The following SCTR variants were observed in gnomAD, a reference collection of about 807,000 sequenced individuals.
SCTR encodes secretin receptor, also known as pancreatic secretin receptor.
In SCTR, 56 loss-of-function variants were observed where a neutral mutation model predicts 60.8. The observed-to-expected ratio is 0.92, with a 90% CI of 0.74 to 1.15. The LOEUF is 1.15. SCTR is among the 50% of genes most tolerant of loss of function. The pLI, the probability that SCTR is intolerant of heterozygous loss-of-function variation, is 0.00. For missense variants in SCTR, 562 were observed against 550.4 expected (o/e 1.02, Z -0.21); for synonymous variants, 202 against 217.0 (o/e 0.93, Z 0.61).
intron 2 of SCTR, among the ~76,000 whole-genome samples, chr2:119,494,120 G>T (rs1678253052): frequency 6.6e-6 from 1 of 152,162 alleles, no homozygotes; most frequent in South Asian, 2.1e-4. Flanking sequence ...GAGGAGAACT[G>T]TCTTGCAGAG....
In SCTR at chr2:119,461,888, GAGA is replaced by G. The variant is rs1416056477; in HGVS notation, c.746_748del (p.Phe249del). 3.1e-5 allele frequency: 50 copies of G among 1,613,796 alleles called. 1 individual carries two copies. The highest frequency in any genetic ancestry group is 3.5e-5 in the Non-Finnish European group (41 of 1,179,950). ...AAATCCCTGGAGGTACTTTCTTTCA[GAGA>G]AGAAGGAGATGGCGAGGAGTGTGTG... On this transcript the variant is annotated inframe_deletion, in exon 7 of 13. Transcript: ENST00000019103.
intron 1 of SCTR, among the ~76,000 whole-genome samples, chr2:119,495,112 TAC>T (rs10558765): frequency 0.85 from 127,570 of 150,750 alleles, 54,008 homozygotes; most frequent in East Asian, 0.88. Context: ...GATATAGATT[TAC>T]ACACACACAC....
At chr2:119,461,762 G>A in intron 7 of SCTR, 85 bp downstream of exon 7, 1 of 1,048,744 alleles carries the variant, frequency 9.5e-7, no homozygotes, top group Admixed American at 2.5e-5. Context: ...GTGTGGAGCT[G>A]GAACTAAAAG....
rs1298124690 is a variant in SCTR, at chr2:119,479,103, C to T, written c.194-185G>A. ...TGTCTAATGCACCCTTGGACTCTGC[C>T]ATGTACACGGTAGTGCTCAGTGTTG... On this transcript the variant is annotated intron_variant, in intron 2 of 12. Coordinates refer to ENST00000019103, the MANE Select transcript of SCTR (RefSeq NM_002980.3). 6 of 1,426,710 alleles carry T rather than the reference C, an allele frequency of 4.2e-6. No homozygotes were observed. In the African/African-American group the frequency reaches 7.2e-5, roughly 17 times the overall value. The allele number at this position is 1,426,710 out of a possible 1,614,324, so 88.4% of individuals were successfully genotyped here. A position where few individuals can be genotyped will look rare whatever the true frequency, so the allele number is the denominator to read the frequency against.
chr2:119,461,715 A>T, intron 7 of SCTR, 132 bp downstream of exon 7: 3 of 446,112 alleles, frequency 6.7e-6, no homozygotes, highest in Admixed American at 4.9e-5. Flanking sequence ...CCAACTCAAA[A>T]AAAAAAAAAA....
chr2:119,452,718 T>C (rs1683220759), intron 8 of SCTR, among the ~76,000 whole-genome samples: 1 of 152,186 alleles, frequency 6.6e-6, no homozygotes, highest in African/African-American at 2.4e-5. Flanking sequence ...CTTATTGGCC[T>C]GGTTGTGTCA....
At chr2:119,446,928 C>A in intron 10 of SCTR, 43 bp from the exon 11 acceptor site, 1 of 1,397,232 alleles carries the variant, frequency 7.2e-7, no homozygotes. Context: ...TGCCTCCCTG[C>A]GCCCTTTCTC....
At chr2:119,507,663 C>CTTTTTTTTTTT (rs751779879) in intron 1 of SCTR, among the ~76,000 whole-genome samples, 1 of 114,786 alleles carries the variant, frequency 8.7e-6, no homozygotes, top group Non-Finnish European at 1.7e-5. Context: ...CTTTCTCGTT[C>CTTTTTTTTTTT]TTTTTTTTTT....
At chr2:119,523,664 C>A (rs927048375) in intron 1 of SCTR, among the ~76,000 whole-genome samples, 4 of 152,068 alleles carry the variant, frequency 2.6e-5, no homozygotes, top group African/African-American at 9.7e-5. Context: ...CAGACTGATA[C>A]TGATGTGGGT....
chr2:119,465,601 G>A (rs561948666), intron 5 of SCTR, among the ~76,000 whole-genome samples, 188 bp downstream of exon 5: 1 of 152,320 alleles, frequency 6.6e-6, no homozygotes, highest in East Asian at 1.9e-4. Context: ...CTTAGTAAAT[G>A]TTGAAAAAAT....
chr2:119,441,502 C>T (rs995646797), intron 12 of SCTR, 56 bp downstream of exon 12: 44 of 1,462,574 alleles, frequency 3.0e-5, no homozygotes, highest in East Asian at 1.8e-4. Flanking sequence ...CCTTCTGACC[C>T]GGAAACCAAT....
chr2:119,493,231 T>C (rs1221432821), intron 2 of SCTR, among the ~76,000 whole-genome samples: 2 of 152,248 alleles, frequency 1.3e-5, no homozygotes, highest in Non-Finnish European at 2.9e-5. Context: ...CTGTAGAACA[T>C]ATCATCACTT....
chr2:119,446,643 C>T (rs747644386), intron 11 of SCTR, 116 bp downstream of exon 11: 3 of 1,039,494 alleles, frequency 2.9e-6, no homozygotes, highest in Non-Finnish European at 3.9e-6. Flanking sequence ...ACCCCTTCTT[C>T]CCCTGGGTCT....
chr2:119,522,995 T>C lies in SCTR; in HGVS notation c.72+1160A>G, dbSNP rs541094975. Among the ~76,000 whole-genome samples, 15 of 152,302 alleles carry C rather than the reference T, an allele frequency of 9.8e-5. No individual in the cohort carries two copies. The South Asian group carries it at 2.1e-3, about 21-fold the overall frequency. ...CTACTGCTGCTGAAAGTCTTGGGGC[T>C]ACCAGAAAAATGAGCATCTCCTGAG... On this transcript the variant is annotated intron_variant, in intron 1 of 12. Transcript: ENST00000019103.
chr2:119,490,943 G>C (rs1160563259), intron 2 of SCTR, among the ~76,000 whole-genome samples: 2 of 152,192 alleles, frequency 1.3e-5, no homozygotes, highest in African/African-American at 2.4e-5. Flanking sequence ...GCATCCTCCA[G>C]CTCCTGTGCG....
intron 2 of SCTR, among the ~76,000 whole-genome samples, chr2:119,487,874 C>A (rs1013103109): frequency 5.9e-5 from 9 of 152,092 alleles, no homozygotes; most frequent in Non-Finnish European, 1.2e-4. Context: ...TAACCATTAA[C>A]CCTGCACCCT....
rs1213546244 is a variant in SCTR at position 119,467,518 on chromosome 2, G to T, written c.406-1632C>A. ...GTAATAATTTCCTCTGCAGGTGAGG[G>T]TATAGTGGGACTCAAAACTGGTTCA... On this transcript the variant is annotated intron_variant, in intron 4 of 12. Coordinates refer to ENST00000019103, the MANE Select transcript of SCTR (RefSeq NM_002980.3). 2.6e-5 allele frequency among the ~76,000 whole-genome samples: 4 copies of T among 152,130 alleles called. No homozygotes were observed. In the East Asian group the frequency reaches 5.8e-4, roughly 22 times the overall value.
chr2:119,474,067 G>C (rs577709764), intron 3 of SCTR, among the ~76,000 whole-genome samples: 1 of 152,154 alleles, frequency 6.6e-6, no homozygotes, highest in Non-Finnish European at 1.5e-5. Context: ...AGGGTCCTTC[G>C]GCCACGACCT....
chr2:119,458,535 A>T (rs1245033562), intron 7 of SCTR, among the ~76,000 whole-genome samples: 1 of 151,474 alleles, frequency 6.6e-6, no homozygotes. Context: ...CGGGAGGCGG[A>T]GCTTGCAGTG....
Sources: gnomAD v4.1 joint callset for allele counts (sites outside exome capture counted in the v4.1 genomes callset) on GRCh38, gnomAD v4.1.1 for gene constraint, MANE v1.5 for transcripts, NCBI Gene and HGNC (gene_info 2026-07-23, HGNC 2026-07-21) for gene names.